HECW1: variants seen among roughly 807,000 people sequenced by gnomAD.
HECW1 encodes HECT, C2 and WW domain containing E3 ubiquitin protein ligase 1.
HECW1 carries 61 observed loss-of-function variants against 182.3 expected under a neutral mutation model. That is an observed-to-expected ratio of 0.33 (90% CI 0.27 to 0.41). The LOEUF is 0.41. Among genes scored for constraint, HECW1 ranks in the 10% least tolerant of loss-of-function variants. The probability of loss-of-function intolerance (pLI) is 1.00; values close to 1 mark genes in which losing one functional copy is unlikely to be tolerated. For synonymous variants in HECW1, 859 were observed against 832.6 expected (o/e 1.03, Z -0.55); for missense variants, 1,739 against 2,108.9 (o/e 0.82, Z 3.44).
chr7:43,541,726 C>A, intron 25 of HECW1, 143 bp from the exon 26 acceptor site: 2 of 658,916 alleles, frequency 3.0e-6, no homozygotes, highest in Non-Finnish European at 4.5e-6. Flanking sequence ...ACTGAATAAT[C>A]TGATTCATCA....
intron 12 of HECW1, 101 bp downstream of exon 12, chr7:43,451,030 C>T (rs1322706263): frequency 9.8e-6 from 8 of 814,156 alleles, no homozygotes; most frequent in South Asian, 1.5e-5. Context: ...TTCCCGACTC[C>T]GTGCCTTACA....
chr7:43,237,868 G>A (rs567200441), intron 2 of HECW1, among the ~76,000 whole-genome samples: 2 of 151,634 alleles, frequency 1.3e-5, no homozygotes, highest in African/African-American at 4.9e-5. Flanking sequence ...CTGCAAAAGC[G>A]CTGAGTAGGA....
At chr7:43,441,577 A>C (rs1177059568) in intron 9 of HECW1, among the ~76,000 whole-genome samples, 1 of 152,240 alleles carries the variant, frequency 6.6e-6, no homozygotes, top group Non-Finnish European at 1.5e-5. Flanking sequence ...GTTTTAGAAC[A>C]CAGGTTGGCA....
chr7:43,210,091 G>T (rs572280436), intron 2 of HECW1, among the ~76,000 whole-genome samples: 55 of 152,198 alleles, frequency 3.6e-4, no homozygotes, highest in African/African-American at 1.2e-3. Flanking sequence ...CAGTTTCCTG[G>T]CCTGAGCGGA....
In HECW1 at chr7:43,444,247, C is replaced by T; in HGVS notation, c.1075C>T (p.Pro359Ser). 6.2e-7 allele frequency: 1 copy of T among 1,610,552 alleles called. No individual in the cohort carries two copies. Among genetic ancestry groups the T allele is most frequent in the Non-Finnish European group, 8.5e-7 (1 of 1,177,160 alleles). The change falls in exon 11 of 30, where the codon CCT (proline) becomes TCT (serine). Residue 359 changes from proline (P) to serine (S), a missense_variant. By Grantham distance (74) the Pro-to-Ser change is moderately conservative. Coordinates refer to ENST00000395891, the MANE Select transcript of HECW1 (RefSeq NM_015052.5). The surrounding 1 kb of genome is among the most constrained non-coding windows in gnomAD (Gnocchi z 4.3). ...DDEEISLSTE[P>S]ESAQIQDSPM... Reference sequence around the variant, plus strand: ...TGAGGAGATTTCCCTGAGTACCGAGCCTGAGTCAGCCCAAATTCAGGACAG... The same window carrying T: ...TGAGGAGATTTCCCTGAGTACCGAGTCTGAGTCAGCCCAAATTCAGGACAG...
At chr7:43,333,259 G>C in intron 5 of HECW1, among the ~76,000 whole-genome samples, 1 of 152,332 alleles carries the variant, frequency 6.6e-6, no homozygotes, top group African/African-American at 2.4e-5. Context: ...GAAGATCAAG[G>C]TGGTTAGTAT....
At chr7:43,389,322 A>G (rs540367016) in intron 6 of HECW1, among the ~76,000 whole-genome samples, 19 of 152,368 alleles carry the variant, frequency 1.2e-4, no homozygotes, top group African/African-American at 4.6e-4. Flanking sequence ...TTACAAAATC[A>G]GTCCTTCTGG....
At chr7:43,240,475 A>G (rs1456581027) in intron 2 of HECW1, among the ~76,000 whole-genome samples, 2 of 152,252 alleles carry the variant, frequency 1.3e-5, no homozygotes, top group East Asian at 1.9e-4. Context: ...AGAGGAGGGA[A>G]GCAAAACAAT....
chr7:43,116,939 A>G (rs1303217673), intron 2 of HECW1, among the ~76,000 whole-genome samples: 1 of 152,220 alleles, frequency 6.6e-6, no homozygotes, highest in African/African-American at 2.4e-5. Context: ...GGAGAAAAAG[A>G]TTAGAAATAA....
chr7:43,389,785 T>G (rs893934173), intron 6 of HECW1, among the ~76,000 whole-genome samples: 1 of 152,040 alleles, frequency 6.6e-6, no homozygotes, highest in Admixed American at 6.5e-5. Context: ...GGACTACAGG[T>G]GTGCACCACC....
At chr7:43,526,349 A>T (rs1327291712) in intron 24 of HECW1, among the ~76,000 whole-genome samples, 1 of 152,226 alleles carries the variant, frequency 6.6e-6, no homozygotes, top group Non-Finnish European at 1.5e-5. Flanking sequence ...CCATGGGAGC[A>T]TGAGGGCCTT....
chr7:43,307,349 CTTGAG>C (rs1308532928), intron 3 of HECW1, among the ~76,000 whole-genome samples: 1 of 152,092 alleles, frequency 6.6e-6, no homozygotes, highest in African/African-American at 2.4e-5. Flanking sequence ...ACAAAAGATA[CTTGAG>C]TTATTAGTGG....
At chr7:43,257,301 G>A (rs935330585) in intron 3 of HECW1, among the ~76,000 whole-genome samples, 4 of 152,206 alleles carry the variant, frequency 2.6e-5, no homozygotes, top group Non-Finnish European at 5.9e-5. Flanking sequence ...ACCTCTCTGA[G>A]TCTAATATGT....
intron 3 of HECW1, among the ~76,000 whole-genome samples, chr7:43,286,426 C>G (rs903294507): frequency 3.9e-5 from 6 of 152,280 alleles, no homozygotes; most frequent in Non-Finnish European, 7.4e-5. Flanking sequence ...GGATCGCTGA[C>G]TTCTGCATTT....
At chr7:43,168,039 A>G (rs921336084) in intron 2 of HECW1, among the ~76,000 whole-genome samples, 5 of 152,136 alleles carry the variant, frequency 3.3e-5, no homozygotes, top group African/African-American at 1.2e-4. Flanking sequence ...CTAAATCCCC[A>G]TAGCCCGTGG....
At chr7:43,511,417 C>G (rs2079865690) in intron 24 of HECW1, 1 of 152,246 alleles carries the variant, frequency 6.6e-6, no homozygotes, top group African/African-American at 2.4e-5. Context: ...AGCTGCGACT[C>G]TGAATGCCTC....
intron 3 of HECW1, among the ~76,000 whole-genome samples, chr7:43,251,377 T>C (rs1319387687): frequency 2.0e-5 from 3 of 152,186 alleles, no homozygotes; most frequent in African/African-American, 7.2e-5. Context: ...TAGCGCGGCC[T>C]TGGCTCACTG....
At chr7:43,293,091 G>A (rs1805601972) in intron 3 of HECW1, among the ~76,000 whole-genome samples, 2 of 151,726 alleles carry the variant, frequency 1.3e-5, no homozygotes, top group African/African-American at 2.4e-5. Flanking sequence ...GTGGTGGAAG[G>A]CGCCTGTGGT....
intron 2 of HECW1, among the ~76,000 whole-genome samples, chr7:43,142,276 T>C (rs945465629): frequency 6.6e-6 from 1 of 152,200 alleles, no homozygotes; most frequent in Non-Finnish European, 1.5e-5. Context: ...TGGACAACAC[T>C]GTGGATATTG....
Sources: allele counts gnomAD v4.1 joint callset (sites outside exome capture counted in the v4.1 genomes callset), GRCh38; gene constraint gnomAD v4.1.1; non-coding constraint Gnocchi (gnomAD v3.1); transcripts MANE v1.5; gene names NCBI Gene and HGNC (gene_info 2026-07-23, HGNC 2026-07-21).